The following DLG2 variants were observed in gnomAD, a reference collection of about 807,000 sequenced individuals.
DLG2 encodes disks large homolog 2.
A neutral mutation model predicts 132.5 loss-of-function variants in DLG2; 45 were observed. The ratio of observed to expected loss-of-function variants is 0.34; its 90% CI spans 0.27 to 0.44. The LOEUF is 0.44. Ranked by LOEUF, DLG2 falls within the 20% of genes least tolerant of loss-of-function variation. The probability of loss-of-function intolerance (pLI) is 1.00; values close to 1 mark genes in which losing one functional copy is unlikely to be tolerated. For missense variants in DLG2, 1,045 were observed against 1,196.9 expected (o/e 0.87, Z 1.87); for synonymous variants, 424 against 419.6 (o/e 1.01, Z -0.13).
rs116811489 is a variant in DLG2, at chr11:83,486,565, G to A, written c.2194-2337C>T. On this transcript the variant is annotated intron_variant, in intron 21 of 27. Transcript: ENST00000376104. ...TTAATTCTTTTATGTTTCAAAGCAA[G>A]GACTATAATGTGTTAACATTTCCCA... Among the ~76,000 whole-genome samples, 736 of 152,118 alleles carry A rather than the reference G, an allele frequency of 4.8e-3. 9 individuals are homozygous for A. The highest frequency in any genetic ancestry group is 0.017 in the African/African-American group (688 of 41,534).
intron 6 of DLG2, among the ~76,000 whole-genome samples, chr11:84,839,337 TAA>T (rs888593172): frequency 1.8e-4 from 28 of 151,920 alleles, no homozygotes; most frequent in African/African-American, 6.8e-4. Context: ...CTCAATGAAA[TAA>T]AAGAGGACAC....
At chr11:85,476,786 T>C (rs748877581) in intron 3 of DLG2, among the ~76,000 whole-genome samples, 1 of 152,126 alleles carries the variant, frequency 6.6e-6, no homozygotes, top group East Asian at 1.9e-4. Context: ...TCTACTATGA[T>C]TAACAATGCC....
intron 14 of DLG2, among the ~76,000 whole-genome samples, chr11:83,937,127 T>C (rs2081612163): frequency 6.6e-6 from 1 of 152,118 alleles, no homozygotes; most frequent in African/African-American, 2.4e-5. Context: ...GTCAGGTTAG[T>C]AGTTACTAAG....
At position 84,048,940 on chromosome 11, in the gene DLG2, A is replaced by G. The variant is rs539312146; in HGVS notation, c.919+10375T>C. Among the ~76,000 whole-genome samples the G allele has an allele frequency of 3.3e-5, 5 of 151,894 alleles. No individual in the cohort carries two copies. The South Asian group carries it at 6.2e-4, about 19-fold the overall frequency. ...ACAGTCTCGGTACTAAGTGTTAAGA[A>G]CAGTGCATTTAATTTTCAATTAAAA... On this transcript the variant is annotated intron_variant, in intron 11 of 27. Coordinates refer to ENST00000376104, the MANE Select transcript of DLG2 (RefSeq NM_001142699.3).
chr11:84,836,294 T>C (rs1272814638), intron 6 of DLG2, among the ~76,000 whole-genome samples: 5 of 151,778 alleles, frequency 3.3e-5, no homozygotes, highest in African/African-American at 7.2e-5. Flanking sequence ...TTAGAAGGAA[T>C]TGGTGGCGCA....
At chr11:85,414,353 G>A (rs1206772629) in intron 3 of DLG2, among the ~76,000 whole-genome samples, 1 of 151,970 alleles carries the variant, frequency 6.6e-6, no homozygotes, top group East Asian at 1.9e-4. Context: ...AACAGCGACA[G>A]TTTGACTTCC....
chr11:84,008,021 T>G (rs12787995), intron 11 of DLG2, among the ~76,000 whole-genome samples: 3,366 of 151,932 alleles, frequency 0.022, 68 homozygotes, highest in Middle Eastern at 0.034. Flanking sequence ...TTTATTTAAA[T>G]TTTAGGTATT....
chr11:83,773,091 GC>G (rs986066335), intron 18 of DLG2, among the ~76,000 whole-genome samples: 1 of 152,176 alleles, frequency 6.6e-6, no homozygotes, highest in African/African-American at 2.4e-5. Context: ...ATAATTCTAT[GC>G]TCCAGCTAGT....
intron 7 of DLG2, among the ~76,000 whole-genome samples, chr11:84,363,868 T>C (rs1250794600): frequency 6.6e-6 from 1 of 152,124 alleles, no homozygotes; most frequent in Non-Finnish European, 1.5e-5. Flanking sequence ...CCATGATCTA[T>C]ATCTCTGTTT....
intron 11 of DLG2, among the ~76,000 whole-genome samples, chr11:84,015,191 T>A (rs530355716): frequency 6.6e-6 from 1 of 152,302 alleles, no homozygotes; most frequent in South Asian, 2.1e-4. Context: ...AAGCAGAGGC[T>A]ACTATGGCTT....
At chr11:85,407,882 C>A (rs935369161) in intron 3 of DLG2, among the ~76,000 whole-genome samples, 1 of 151,610 alleles carries the variant, frequency 6.6e-6, no homozygotes, top group Non-Finnish European at 1.5e-5. Context: ...TGGCTTTCTG[C>A]GGTTCTTGAA....
chr11:85,231,050 T>C (rs551685401), intron 4 of DLG2, among the ~76,000 whole-genome samples: 126 of 152,040 alleles, frequency 8.3e-4, no homozygotes, highest in Non-Finnish European at 1.6e-3. Flanking sequence ...ACCAAGTCTA[T>C]TTTGTTATAG....
intron 11 of DLG2, among the ~76,000 whole-genome samples, chr11:84,003,901 G>T (rs1011649085): frequency 6.6e-6 from 1 of 151,990 alleles, no homozygotes; most frequent in Non-Finnish European, 1.5e-5. Context: ...AGGAAGATAC[G>T]GAAAACCTGA....
chr11:84,923,222 T>C, intron 6 of DLG2: 1 of 1,573,572 alleles, frequency 6.4e-7, no homozygotes, highest in Middle Eastern at 2.2e-4. Context: ...ATCCGTTCCC[T>C]CTGTCAGTTT....
At chr11:84,033,870 C>A (rs1350005066) in intron 11 of DLG2, among the ~76,000 whole-genome samples, 1 of 151,028 alleles carries the variant, frequency 6.6e-6, no homozygotes, top group African/African-American at 2.4e-5. Context: ...GAAACTCCGT[C>A]TTTACTAAAA....
At chr11:85,413,841 C>T (rs918539422) in intron 3 of DLG2, among the ~76,000 whole-genome samples, 2 of 151,976 alleles carry the variant, frequency 1.3e-5, no homozygotes, top group Non-Finnish European at 2.9e-5. Context: ...TGTGATGCTT[C>T]CAGGTTTGTT....
At chr11:84,600,232 AAGAC>A (rs1464816476) in intron 6 of DLG2, among the ~76,000 whole-genome samples, 5 of 128,700 alleles carry the variant, frequency 3.9e-5, no homozygotes, top group East Asian at 2.0e-4. Flanking sequence ...AAGAGAAAGA[AAGAC>A]AGAAAAGCAA....
intron 15 of DLG2, among the ~76,000 whole-genome samples, chr11:83,922,985 T>C (rs1029893152): frequency 2.0e-5 from 3 of 152,012 alleles, no homozygotes; most frequent in Non-Finnish European, 4.4e-5. Context: ...TAAAATCACA[T>C]ATGGGATTAG....
chr11:83,559,158 G>A (rs2096569768), intron 19 of DLG2, among the ~76,000 whole-genome samples: 1 of 151,988 alleles, frequency 6.6e-6, no homozygotes, highest in Admixed American at 6.6e-5. Context: ...TAGAGGTTGA[G>A]GAAACAGAAT....
Sources: allele counts gnomAD v4.1 joint callset (sites outside exome capture counted in the v4.1 genomes callset), GRCh38; gene constraint gnomAD v4.1.1; transcripts MANE v1.5; gene names NCBI Gene and HGNC (gene_info 2026-07-23, HGNC 2026-07-21).